PDE4D: variants seen among roughly 807,000 people sequenced by gnomAD.
PDE4D encodes the protein 3',5'-cyclic-AMP phosphodiesterase 4D.
PDE4D carries 24 observed loss-of-function variants against 87.4 expected under a neutral mutation model. The observed-to-expected ratio is 0.27, with a 90% CI of 0.20 to 0.39. The LOEUF (loss-of-function observed/expected upper bound fraction) is 0.39. Among genes scored for constraint, PDE4D ranks in the 10% least tolerant of loss-of-function variants. The pLI, the probability that PDE4D is intolerant of heterozygous loss-of-function variation, is 1.00. For synonymous variants in PDE4D, 384 were observed against 383.2 expected, an observed-to-expected ratio of 1.00 and a Z score of -0.02; for missense variants, 714 against 1,041.0, an observed-to-expected ratio of 0.69 and a Z score of 4.32.
At chr5:59,317,936 C>T (rs1774050301) in intron 1 of PDE4D, among the ~76,000 whole-genome samples, 1 of 152,038 alleles carries the variant, frequency 6.6e-6, no homozygotes, top group South Asian at 2.1e-4. Flanking sequence ...TTATGCATGT[C>T]TAAGTTCTCT....
At chr5:59,192,444 G>A (rs1460520386) in intron 3 of PDE4D, among the ~76,000 whole-genome samples, 3 of 152,002 alleles carry the variant, frequency 2.0e-5, no homozygotes, top group Non-Finnish European at 4.4e-5. Context: ...TCAGTGACTC[G>A]CTCAAGTCCA....
At chr5:60,246,726 A>G (rs1419378509) in intron 1 of PDE4D, among the ~76,000 whole-genome samples, 2 of 151,762 alleles carry the variant, frequency 1.3e-5, no homozygotes, top group Non-Finnish European at 2.9e-5. Flanking sequence ...CATCACTTTT[A>G]GGTCTTATTC....
intron 1 of PDE4D, among the ~76,000 whole-genome samples, chr5:60,295,800 G>T (rs1753326913): frequency 6.6e-6 from 1 of 152,170 alleles, no homozygotes; most frequent in Non-Finnish European, 1.5e-5. Flanking sequence ...TGACTTGCTT[G>T]GTTCACCTAT....
chr5:60,296,619 G>A (rs1399067524), intron 1 of PDE4D, among the ~76,000 whole-genome samples: 1 of 152,056 alleles, frequency 6.6e-6, no homozygotes, highest in African/African-American at 2.4e-5. Context: ...CTTCCCTCAT[G>A]CTATTGCAAA....
At chr5:59,402,592 A>G (rs943214128) in intron 1 of PDE4D, among the ~76,000 whole-genome samples, 1 of 150,572 alleles carries the variant, frequency 6.6e-6, no homozygotes, top group Non-Finnish European at 1.5e-5. Flanking sequence ...TTCCAATCCA[A>G]GATGTCTACC....
chr5:59,653,674 C>T (rs2150249728), intron 1 of PDE4D, among the ~76,000 whole-genome samples: 1 of 152,282 alleles, frequency 6.6e-6, no homozygotes, highest in Non-Finnish European at 1.5e-5. Flanking sequence ...TGTCCCAATT[C>T]TGCATTTGCC....
At chr5:59,954,172 C>A (rs1758589400) in intron 3 of PDE4D, among the ~76,000 whole-genome samples, 1 of 152,172 alleles carries the variant, frequency 6.6e-6, no homozygotes, top group Admixed American at 6.5e-5. Flanking sequence ...GATCCACCGG[C>A]CTCGGTCTCC....
chr5:59,549,019 G>A (rs1457386594), intron 1 of PDE4D, among the ~76,000 whole-genome samples: 1 of 152,146 alleles, frequency 6.6e-6, no homozygotes, highest in Non-Finnish European at 1.5e-5. Context: ...AGGCTGTGAG[G>A]TGAATTGCTG....
At chr5:59,312,030 T>C (rs1464386580) in intron 1 of PDE4D, among the ~76,000 whole-genome samples, 4 of 151,886 alleles carry the variant, frequency 2.6e-5, no homozygotes, top group Non-Finnish European at 5.9e-5. Context: ...CCCTGGATCC[T>C]CCCCCTATTT....
chr5:59,182,044 G>A (rs1304724981), intron 4 of PDE4D, among the ~76,000 whole-genome samples: 2 of 151,938 alleles, frequency 1.3e-5, no homozygotes, highest in African/African-American at 4.8e-5. Flanking sequence ...TAAGGTTATT[G>A]GTATCGATTT....
intron 1 of PDE4D, among the ~76,000 whole-genome samples, chr5:60,328,949 G>A (rs958954040): frequency 8.5e-5 from 13 of 152,156 alleles, no homozygotes; most frequent in African/African-American, 3.1e-4. Flanking sequence ...AGAGAATTCT[G>A]TACACACAGA....
chr5:59,364,520 T>C (rs1004995290), intron 1 of PDE4D, among the ~76,000 whole-genome samples: 13 of 152,220 alleles, frequency 8.5e-5, no homozygotes, highest in Admixed American at 2.6e-4. Flanking sequence ...CGTGTTTTTG[T>C]TTGATATATA....
At position 58,974,290 on chromosome 5, in the gene PDE4D, TTTC is replaced by T. The variant is rs1743180646; in HGVS notation, c.*371_*373del. On this transcript the variant is annotated 3_prime_UTR_variant, in exon 15 of 15. Coordinates refer to ENST00000340635, the MANE Select transcript of PDE4D (RefSeq NM_001104631.2). ...CATTAAGTTCACTCTGTGCAATGCC[TTTC>T]TTCTGAAAATATTGCAAACAAATAA... The T allele has an allele frequency of 6.2e-6, 1 of 160,836 alleles. No homozygotes were observed. Among genetic ancestry groups the T allele is most frequent in the African/African-American group, 2.4e-5 (1 of 41,458 alleles). The allele number at this position is 160,836 out of a possible 1,614,324, so 10.0% of individuals were successfully genotyped here.
intron 2 of PDE4D, among the ~76,000 whole-genome samples, chr5:60,115,500 C>G (rs563002470): frequency 1.3e-5 from 2 of 152,248 alleles, no homozygotes; most frequent in South Asian, 2.1e-4. Context: ...TGAGCACCTA[C>G]TATGTACCAG....
chr5:59,277,433 TA>T (rs1324322322), intron 1 of PDE4D, among the ~76,000 whole-genome samples: 2 of 152,166 alleles, frequency 1.3e-5, no homozygotes, highest in Non-Finnish European at 2.9e-5. Context: ...ATTAATCATG[TA>T]TTTTTTTGGA....
intron 1 of PDE4D, among the ~76,000 whole-genome samples, chr5:59,394,542 T>G (rs1175147659): frequency 6.6e-6 from 1 of 152,190 alleles, no homozygotes; most frequent in Non-Finnish European, 1.5e-5. Context: ...CACTAGGAAA[T>G]GAACACAAAA....
At position 59,118,697 on chromosome 5, in the gene PDE4D, C is replaced by T. The variant is rs1774011749; in HGVS notation, c.808+61898G>A. ...GAGGGAGTATCCCTGAGGTTGTTCT[C>T]CTCTCTTTGTGTTTAGATGTCTGTA... On this transcript the variant is annotated intron_variant, in intron 5 of 14. Transcript: ENST00000340635. Among the ~76,000 whole-genome samples, 6 of 152,212 alleles carry T rather than the reference C, an allele frequency of 3.9e-5. No individual in the cohort carries two copies. The South Asian group carries it at 1.2e-3, about 31-fold the overall frequency.
At chr5:60,475,770 C>T (rs1459569931) in intron 1 of PDE4D, among the ~76,000 whole-genome samples, 1 of 144,888 alleles carries the variant, frequency 6.9e-6, no homozygotes, top group Non-Finnish European at 1.5e-5. Flanking sequence ...TCAGAGACTT[C>T]CTAAAACAAG....
chr5:59,372,199 A>C (rs1784046355), intron 1 of PDE4D, among the ~76,000 whole-genome samples: 1 of 152,244 alleles, frequency 6.6e-6, no homozygotes, highest in African/African-American at 2.4e-5. Flanking sequence ...ACAACAGAAG[A>C]AGCTTACGTG....
Sources: allele counts gnomAD v4.1 joint callset (sites outside exome capture counted in the v4.1 genomes callset), GRCh38; gene constraint gnomAD v4.1.1; transcripts MANE v1.5; gene names NCBI Gene and HGNC (gene_info 2026-07-23, HGNC 2026-07-21).